The following LRRC7 variants were observed in gnomAD, a reference collection of about 807,000 sequenced individuals.
The protein encoded by LRRC7 is leucine rich repeat containing 7, also known as leucine-rich repeat-containing protein 7.
LRRC7 carries 23 observed loss-of-function variants against 175.7 expected under a neutral mutation model. That is an observed-to-expected ratio of 0.13 (90% CI 0.09 to 0.19). The LOEUF is 0.19. LRRC7 is among the 10% of genes least tolerant of loss of function. The probability of loss-of-function intolerance (pLI) is 1.00; values close to 1 mark genes in which losing one functional copy is unlikely to be tolerated. For synonymous variants in LRRC7, 685 were observed against 680.9 expected, an observed-to-expected ratio of 1.01 and a Z score of -0.09; for missense variants, 1,354 against 1,904.7, an observed-to-expected ratio of 0.71 and a Z score of 5.38.
intron 4 of LRRC7, among the ~76,000 whole-genome samples, chr1:69,801,472 A>G (rs1349918110): frequency 5.3e-5 from 8 of 151,766 alleles, no homozygotes; most frequent in Admixed American, 5.3e-4. Flanking sequence ...GAATTCATTC[A>G]TTTCCTCTGG....
intron 3 of LRRC7, among the ~76,000 whole-genome samples, chr1:69,770,183 G>T (rs770579517): frequency 2.6e-4 from 40 of 152,146 alleles, no homozygotes; most frequent in Non-Finnish European, 5.4e-4. Flanking sequence ...GTCATTAAAA[G>T]GAAGATCAAG....
At chr1:69,652,340 A>T (rs78693269) in intron 1 of LRRC7, among the ~76,000 whole-genome samples, 4 of 152,218 alleles carry the variant, frequency 2.6e-5, no homozygotes, top group African/African-American at 9.6e-5. Flanking sequence ...CATTCTGTAC[A>T]TTAACAATGA....
At chr1:69,694,386 A>G (rs758232862) in intron 2 of LRRC7, among the ~76,000 whole-genome samples, 6 of 152,112 alleles carry the variant, frequency 3.9e-5, no homozygotes, top group Admixed American at 1.3e-4. Context: ...CTCACTCTGG[A>G]CTTGTTATCC....
intron 7 of LRRC7, among the ~76,000 whole-genome samples, chr1:69,900,162 T>A (rs1232251223): frequency 6.6e-6 from 1 of 152,214 alleles, no homozygotes; most frequent in Admixed American, 6.5e-5. Context: ...GGCTATCAGC[T>A]GCAAACCCTT....
At chr1:69,827,655 T>C (rs924048043) in intron 5 of LRRC7, among the ~76,000 whole-genome samples, 6 of 151,986 alleles carry the variant, frequency 3.9e-5, no homozygotes, top group Non-Finnish European at 7.4e-5. Context: ...CCTGGCAACA[T>C]GGTGAAACCC....
rs1029126158 is a variant in LRRC7 at position 70,011,826 on chromosome 1, G to A, written c.1034G>A (p.Ser345Asn). 1.9e-6 allele frequency: 3 copies of A among 1,565,456 alleles called. No individual in the cohort carries two copies. The African/African-American group carries it at 4.1e-5, about 21-fold the overall frequency. Residue 345 changes from serine to asparagine, a missense_variant, in exon 12 of 27, where the codon AGC becomes AAC. Ser to Asn is a conservative substitution (Grantham distance 46). This residue lies in a region of LRRC7 where 201 missense variants were observed against 481.4 expected (regional missense o/e 0.42). Coordinates refer to ENST00000651989, the MANE Select transcript of LRRC7 (RefSeq NM_001370785.2). The stretch of plus-strand genomic sequence containing the variant: ...TCTTTATTAGAAGAATTTGACTGTA[G>A]CTGTAATGAACTGGAGTCACTACCT... ...NLSLLEEFDC[S>N]CNELESLPST...
At chr1:69,583,032 G>C (rs796564963) in intron 1 of LRRC7, among the ~76,000 whole-genome samples, 9 of 151,920 alleles carry the variant, frequency 5.9e-5, no homozygotes, top group African/African-American at 2.2e-4. Flanking sequence ...ATCAGTTTTA[G>C]TTTGGTTAAA....
chr1:69,991,936 G>GA (rs747265124), intron 10 of LRRC7, among the ~76,000 whole-genome samples: 16 of 151,988 alleles, frequency 1.1e-4, no homozygotes, highest in Non-Finnish European at 2.2e-4. Context: ...GGATAGCAGA[G>GA]AAACTCAATA....
At chr1:69,633,448 A>G (rs1348305628) in intron 1 of LRRC7, among the ~76,000 whole-genome samples, 1 of 150,008 alleles carries the variant, frequency 6.7e-6, no homozygotes, top group African/African-American at 2.4e-5. Flanking sequence ...TTAATTTTTG[A>G]GACAAAATCT....
chr1:69,871,484 G>A (rs1685531844), intron 7 of LRRC7, among the ~76,000 whole-genome samples: 1 of 151,936 alleles, frequency 6.6e-6, no homozygotes, highest in Admixed American at 6.6e-5. Context: ...TTCAGTTTGT[G>A]TTTGAATTTG....
chr1:69,760,543 A>G, intron 3 of LRRC7, 150 bp downstream of exon 3: 1 of 682,752 alleles, frequency 1.5e-6, no homozygotes, highest in South Asian at 1.9e-5. Context: ...TATTCTCATT[A>G]CCTTTTAATG....
intron 23 of LRRC7, among the ~76,000 whole-genome samples, chr1:70,064,127 A>T (rs1661788599): frequency 6.6e-6 from 1 of 151,894 alleles, no homozygotes; most frequent in African/African-American, 2.4e-5. Context: ...TGTCACCAAA[A>T]CCCCAGGACA....
chr1:69,894,425 T>C (rs1012322579), intron 7 of LRRC7, among the ~76,000 whole-genome samples: 1 of 152,208 alleles, frequency 6.6e-6, no homozygotes, highest in African/African-American at 2.4e-5. Flanking sequence ...ATGATTTTGT[T>C]GGAGGTTTGA....
At chr1:69,941,538 C>CTA (rs891624454) in intron 8 of LRRC7, among the ~76,000 whole-genome samples, 1 of 151,596 alleles carries the variant, frequency 6.6e-6, no homozygotes, top group African/African-American at 2.4e-5. Flanking sequence ...AATCTTTAAA[C>CTA]TATAGCTAGA....
rs749626553 is a variant in LRRC7 at position 69,781,685 on chromosome 1, AAAG to A, written c.304-10352_304-10350del. ...AGACAGAGCAAGACTGTCTCAAAAAAAAGAAGAAAGAAAGAAAGAAAGAAAGAA... is the reference window on the plus strand; with the variant it reads ...AGACAGAGCAAGACTGTCTCAAAAAAAAGAAAGAAAGAAAGAAAGAAAGAA... On this transcript the variant is annotated intron_variant, in intron 3 of 26. Coordinates refer to ENST00000651989, the MANE Select transcript of LRRC7 (RefSeq NM_001370785.2). Among the ~76,000 whole-genome samples the A allele has an allele frequency of 3.4e-3, 283 of 83,640 alleles. 24 individuals are homozygous for A. The highest frequency in any genetic ancestry group is 4.1e-3 in the Non-Finnish European group (174 of 42,896). The allele number at this position is 83,640 out of a possible 152,430, so 54.9% of individuals were successfully genotyped here. A position where few individuals can be genotyped will look rare whatever the true frequency, so the allele number is the denominator to read the frequency against.
At chr1:69,952,865 ATT>A (rs1650083798) in intron 8 of LRRC7, among the ~76,000 whole-genome samples, 1 of 151,862 alleles carries the variant, frequency 6.6e-6, no homozygotes, top group Non-Finnish European at 1.5e-5. Flanking sequence ...AACAACCTCC[ATT>A]AATCAGTCAA....
At chr1:70,089,403 A>G (rs1367881969) in intron 24 of LRRC7, among the ~76,000 whole-genome samples, 1 of 152,188 alleles carries the variant, frequency 6.6e-6, no homozygotes, top group African/African-American at 2.4e-5. Context: ...GATAGCTAAG[A>G]TAATGCATAG....
chr1:69,917,280 G>A (rs1189775690), intron 7 of LRRC7, among the ~76,000 whole-genome samples: 2 of 152,148 alleles, frequency 1.3e-5, no homozygotes, highest in African/African-American at 2.4e-5. Context: ...GTGACCTACA[G>A]TAGAGATCAT....
intron 2 of LRRC7, among the ~76,000 whole-genome samples, chr1:69,722,365 T>C (rs1019436263): frequency 2.0e-5 from 3 of 152,048 alleles, no homozygotes; most frequent in Non-Finnish European, 2.9e-5. Flanking sequence ...AATGAGCATA[T>C]GCAAGACTGT....
Sources: gnomAD v4.1 joint callset for allele counts (sites outside exome capture counted in the v4.1 genomes callset) on GRCh38, gnomAD v4.1.1 for gene constraint, gnomAD v4.1.1 regional missense constraint, MANE v1.5 for transcripts, NCBI Gene and HGNC (gene_info 2026-07-23, HGNC 2026-07-21) for gene names.